Variants in RSU1 observed in about 807,000 individuals in gnomAD.
RSU1 encodes Ras suppressor protein 1.
In RSU1, 26 loss-of-function variants were observed where a neutral mutation model predicts 31.1. The observed-to-expected ratio is 0.84, with a 90% confidence interval of 0.61 to 1.16. The LOEUF is 1.16. RSU1 is among the 50% of genes most tolerant of loss of function. The pLI is 0.00. For missense variants in RSU1, 320 were observed against 339.1 expected (o/e 0.94, Z 0.44); for synonymous variants, 164 against 136.3 (o/e 1.20, Z -1.41).
chr10:16,704,439 G>A (rs1209655556), intron 7 of RSU1, among the ~76,000 whole-genome samples: 1 of 152,200 alleles, frequency 6.6e-6, no homozygotes, highest in Non-Finnish European at 1.5e-5. Flanking sequence ...AGGCAGCCAG[G>A]CAGGTATTTA....
chr10:16,764,859 C>A (rs1837281220), intron 3 of RSU1, among the ~76,000 whole-genome samples: 1 of 151,906 alleles, frequency 6.6e-6, no homozygotes, highest in South Asian at 2.1e-4. Flanking sequence ...TTATGGTTGT[C>A]ATATACGATC....
At chr10:16,678,823 A>G (rs758554598) in intron 8 of RSU1, among the ~76,000 whole-genome samples, 23 of 152,200 alleles carry the variant, frequency 1.5e-4, no homozygotes, top group Non-Finnish European at 8.8e-5. Context: ...TTTATTGCCT[A>G]TCCTTCAGGA....
chr10:16,723,150 C>T (rs914726272), intron 7 of RSU1: 2 of 151,820 alleles, frequency 1.3e-5, no homozygotes, highest in African/African-American at 2.4e-5. Flanking sequence ...CAAAGTCCAT[C>T]GCAATGTGAC....
intron 7 of RSU1, among the ~76,000 whole-genome samples, chr10:16,735,241 T>C (rs932791879): frequency 6.6e-6 from 1 of 152,170 alleles, no homozygotes; most frequent in African/African-American, 2.4e-5. Context: ...AACTTGTTAA[T>C]ACCAAGAATA....
intron 3 of RSU1, chr10:16,767,307 C>A (rs928100141): frequency 4.6e-5 from 7 of 152,226 alleles, no homozygotes; most frequent in African/African-American, 1.7e-4. Context: ...TTACTGCCGT[C>A]TTCCCGAAGT....
At chr10:16,698,144 C>A (rs1835719762) in intron 7 of RSU1, among the ~76,000 whole-genome samples, 1 of 151,850 alleles carries the variant, frequency 6.6e-6, no homozygotes, top group African/African-American at 2.4e-5. Context: ...GGGAAAGGAT[C>A]CGGGAAGGAT....
At chr10:16,803,250 C>T (rs964905888) in intron 2 of RSU1, among the ~76,000 whole-genome samples, 7 of 152,076 alleles carry the variant, frequency 4.6e-5, no homozygotes, top group Non-Finnish European at 8.8e-5. Context: ...TAAAAACACA[C>T]CATTTACATT....
At chr10:16,775,285 C>A (rs1452566514) in intron 3 of RSU1, among the ~76,000 whole-genome samples, 1 of 152,102 alleles carries the variant, frequency 6.6e-6, no homozygotes, top group Non-Finnish European at 1.5e-5. Context: ...GGATCAGCCC[C>A]GCACATGGGC....
chr10:16,759,008 T>C (rs767527522), intron 4 of RSU1, among the ~76,000 whole-genome samples: 2 of 151,736 alleles, frequency 1.3e-5, no homozygotes, highest in Non-Finnish European at 2.9e-5. Context: ...AACCAGGGGG[T>C]TTCAGGCTAT....
At chr10:16,702,628 C>T (rs775557852) in intron 7 of RSU1, among the ~76,000 whole-genome samples, 3 of 152,194 alleles carry the variant, frequency 2.0e-5, no homozygotes, top group Non-Finnish European at 4.4e-5. Context: ...CAATTTCTCC[C>T]TACTGGAACA....
chr10:16,800,393 G>A (rs1221329676), intron 2 of RSU1, among the ~76,000 whole-genome samples: 2 of 152,168 alleles, frequency 1.3e-5, no homozygotes, highest in Non-Finnish European at 2.9e-5. Context: ...AAATCCCTGA[G>A]AGAATTGAAA....
At chr10:16,683,611 C>T (rs966754032) in intron 8 of RSU1, among the ~76,000 whole-genome samples, 2 of 152,044 alleles carry the variant, frequency 1.3e-5, no homozygotes, top group East Asian at 1.9e-4. Flanking sequence ...TGTTGAAGTC[C>T]TAACCTCCTA....
intron 7 of RSU1, among the ~76,000 whole-genome samples, chr10:16,714,512 G>T (rs1481963979): frequency 6.6e-6 from 1 of 152,206 alleles, no homozygotes; most frequent in Non-Finnish European, 1.5e-5. Flanking sequence ...CGCTTGGTGG[G>T]ACAGGTGGCT....
intron 7 of RSU1, among the ~76,000 whole-genome samples, chr10:16,712,455 AGTTTT>A (rs1353997398): frequency 6.6e-6 from 1 of 151,760 alleles, no homozygotes; most frequent in East Asian, 1.9e-4. Flanking sequence ...TGTGCTGCGA[AGTTTT>A]GTTTTCTTTC....
rs766945785 is a variant in RSU1, at chr10:16,695,172, A to AGGGCGG, written c.599-18_599-17insCCGCCC. 1 of 1,574,658 alleles carries AGGGCGG rather than the reference A, an allele frequency of 6.4e-7. No individual in the cohort carries two copies. The highest frequency in any genetic ancestry group is 8.7e-7 in the Non-Finnish European group (1 of 1,155,024). ...CCAAGTTTCCTGGGGGGGGGGAAAAAAAAAGTGAAGGTCACTTCATCCAAT... is the reference window on the plus strand; with the variant it reads ...CCAAGTTTCCTGGGGGGGGGGAAAAAGGGCGGAAAAGTGAAGGTCACTTCATCCAAT... On this transcript the variant is annotated splice_polypyrimidine_tract_variant and intron_variant, in intron 7 of 8. Transcript: ENST00000345264.
At chr10:16,807,515 G>T (rs990251952) in intron 2 of RSU1, among the ~76,000 whole-genome samples, 1 of 152,104 alleles carries the variant, frequency 6.6e-6, no homozygotes, top group African/African-American at 2.4e-5. Context: ...GGTATACAAA[G>T]ATCTCACATC....
At position 16,793,018 on chromosome 10, in the gene RSU1, T is replaced by C. The variant is rs184107463; in HGVS notation, c.110-10934A>G. The stretch of plus-strand genomic sequence containing the variant: ...ACACAGATTCTGATCTACTTACGTA[T>C]GCAGGTTCTGACAATGTATTAAAAT... On this transcript the variant is annotated intron_variant, in intron 2 of 8. Transcript: ENST00000345264. Among the ~76,000 whole-genome samples the C allele has an allele frequency of 5.9e-5, 9 of 152,358 alleles. No individual in the cohort carries two copies. In the East Asian group the frequency reaches 1.7e-3, roughly 29 times the overall value.
chr10:16,781,490 C>T (rs1837647507), intron 3 of RSU1, among the ~76,000 whole-genome samples: 1 of 152,134 alleles, frequency 6.6e-6, no homozygotes, highest in African/African-American at 2.4e-5. Flanking sequence ...AAAACTTTCC[C>T]TTTCGAGGAG....
chr10:16,613,224 C>T (rs1833923109), intron 8 of RSU1, among the ~76,000 whole-genome samples: 1 of 152,120 alleles, frequency 6.6e-6, no homozygotes, highest in Admixed American at 6.5e-5. Context: ...TTTAAAAAAG[C>T]CAATATGAAA....
Sources: allele counts gnomAD v4.1 joint callset (sites outside exome capture counted in the v4.1 genomes callset), GRCh38; gene constraint gnomAD v4.1.1; transcripts MANE v1.5; gene names NCBI Gene and HGNC (gene_info 2026-07-23, HGNC 2026-07-21).